The following TLL1 variants were observed in gnomAD, a reference collection of about 807,000 sequenced individuals.
TLL1 encodes the protein tolloid-like protein 1.
In TLL1, 49 loss-of-function variants were observed where a neutral mutation model predicts 128.2. That is an observed-to-expected ratio of 0.38 (90% CI 0.30 to 0.48). The LOEUF is 0.48. Ranked by LOEUF, TLL1 falls within the 20% of genes least tolerant of loss-of-function variation. TLL1 has a pLI of 0.96. For synonymous variants in TLL1, 454 were observed against 418.8 expected (o/e 1.08, Z -1.03); for missense variants, 1,123 against 1,242.0 (o/e 0.90, Z 1.44).
intron 16 of TLL1, among the ~76,000 whole-genome samples, chr4:166,072,193 C>T (rs931420268): frequency 1.9e-4 from 29 of 151,852 alleles, no homozygotes; most frequent in Admixed American, 6.6e-4. Flanking sequence ...ATATTCTAGC[C>T]GCCTAACAGA....
chr4:166,039,261 C>T, intron 9 of TLL1, 78 bp from the exon 10 acceptor site: 10 of 963,398 alleles, frequency 1.0e-5, no homozygotes, highest in Non-Finnish European at 1.5e-5. Context: ...GACCAGGGTT[C>T]CTTACCTTTA....
intron 18 of TLL1, among the ~76,000 whole-genome samples, chr4:166,080,938 C>G (rs113546216): frequency 0.063 from 9,638 of 152,120 alleles, 527 homozygotes; most frequent in African/African-American, 0.14. Flanking sequence ...TTGCTTGTTA[C>G]TTGGTGCTTG....
Position 166,091,135 on chromosome 4 carries a change from G to A in TLL1, c.2450G>A (p.Ser817Asn). The A allele has an allele frequency of 6.2e-7, 1 of 1,611,604 alleles. No homozygotes were observed. The highest frequency in any genetic ancestry group is 8.5e-7 in the Non-Finnish European group (1 of 1,179,002). ...TTCTTCTTTTTAAAAAAGGCCTTTA[G>A]TGAATTTGAGATTGAGCAGCATCAA... Reference protein sequence around the residue: ...TPGHRIKLAFSEFEIEQHQEC... With the variant: ...TPGHRIKLAFNEFEIEQHQEC... Residue 817 changes from serine (S) to asparagine (N), a missense_variant, in exon 19 of 21, where the codon AGT (serine) becomes AAT (asparagine). Coordinates refer to ENST00000061240, the MANE Select transcript of TLL1 (RefSeq NM_012464.5).
At chr4:165,951,204 T>C (rs1164573253) in intron 1 of TLL1, among the ~76,000 whole-genome samples, 1 of 152,046 alleles carries the variant, frequency 6.6e-6, no homozygotes, top group Non-Finnish European at 1.5e-5. Context: ...CATAAAGAAA[T>C]GATAACCTGA....
At chr4:165,913,945 G>C (rs921748783) in intron 1 of TLL1, among the ~76,000 whole-genome samples, 4 of 152,066 alleles carry the variant, frequency 2.6e-5, no homozygotes, top group Non-Finnish European at 4.4e-5. Context: ...GAGCTGGAGA[G>C]GTCTAGGTTG....
intron 1 of TLL1, among the ~76,000 whole-genome samples, chr4:165,926,668 C>T (rs1733283597): frequency 1.3e-5 from 2 of 152,052 alleles, no homozygotes; most frequent in South Asian, 4.1e-4. Context: ...GCATTAGTGC[C>T]AGGTATCGTG....
chr4:166,006,565 G>C (rs925016536), intron 6 of TLL1, among the ~76,000 whole-genome samples: 2 of 151,670 alleles, frequency 1.3e-5, no homozygotes, highest in African/African-American at 4.8e-5. Context: ...TTGAAAATCT[G>C]ATCATAGATT....
chr4:166,058,115 GATTTTTATCTATCC>G (rs1740116277), intron 14 of TLL1, among the ~76,000 whole-genome samples: 1 of 151,764 alleles, frequency 6.6e-6, no homozygotes, highest in Non-Finnish European at 1.5e-5. Context: ...TCTAGATCTA[GATTTTTATCTATCC>G]ATCCTACCAT....
intron 16 of TLL1, among the ~76,000 whole-genome samples, chr4:166,068,420 A>G (rs1238399632): frequency 6.6e-6 from 1 of 151,884 alleles, no homozygotes; most frequent in Non-Finnish European, 1.5e-5. Flanking sequence ...ATAATATATA[A>G]TCATATGTCA....
chr4:165,884,844 A>G lies in TLL1; in HGVS notation c.169+10771A>G, dbSNP rs534875570. On this transcript the variant is annotated intron_variant, in intron 1 of 20. Transcript: ENST00000061240. Reference sequence around the variant, plus strand: ...GAGTGAGACTCTGTCTCAAATAATAATGATAATAAAAATAAAATAAAATAA... The same window carrying G: ...GAGTGAGACTCTGTCTCAAATAATAGTGATAATAAAAATAAAATAAAATAA... Among the ~76,000 whole-genome samples the G allele has an allele frequency of 8.3e-4, 127 of 152,208 alleles. 2 individuals are homozygous for G. In the South Asian group the frequency reaches 0.026, roughly 31 times the overall value.
intron 1 of TLL1, among the ~76,000 whole-genome samples, chr4:165,880,237 G>A (rs1477037415): frequency 6.6e-6 from 1 of 152,156 alleles, no homozygotes; most frequent in Non-Finnish European, 1.5e-5. Context: ...CTGGCTAATG[G>A]ACTGCTAGTT....
At position 166,039,374 on chromosome 4, in the gene TLL1, G is replaced by A. The variant is rs200815814; in HGVS notation, c.1194G>A (p.Lys398=). ...ATTTTACAACGATGGATCTATACAA[G>A]AGTAGTTTGTGCTGGTATGACTATA... is the stretch of plus-strand genomic sequence containing the variant. ...VLNFTTMDLY[K]SSLCWYDYIE... is the part of the protein sequence containing the mutation. The change falls in exon 10 of 21, where the codon AAG becomes AAA. Residue 398 remains lysine (K), a synonymous_variant. Transcript: ENST00000061240. The A allele has an allele frequency of 1.8e-5, 29 of 1,613,452 alleles. No homozygotes were observed. In the East Asian group the frequency reaches 6.5e-4, roughly 36 times the overall value.
intron 12 of TLL1, 138 bp downstream of exon 12, chr4:166,043,557 A>G: frequency 7.8e-7 from 1 of 1,287,068 alleles, no homozygotes; most frequent in South Asian, 1.2e-5. Context: ...CGCTCATAAA[A>G]TGCAACATCA....
chr4:165,961,714 A>T (rs1735114543), intron 1 of TLL1, among the ~76,000 whole-genome samples: 1 of 152,130 alleles, frequency 6.6e-6, no homozygotes, highest in African/African-American at 2.4e-5. Context: ...AAATAAGCAG[A>T]GGGGAAAGGA....
intron 19 of TLL1, among the ~76,000 whole-genome samples, chr4:166,093,604 C>T (rs1741881530): frequency 6.6e-6 from 1 of 152,128 alleles, no homozygotes; most frequent in South Asian, 2.1e-4. Flanking sequence ...CTGCAAGAGG[C>T]TTTCCTCTTT....
At chr4:165,962,925 C>T (rs546199167) in intron 1 of TLL1, among the ~76,000 whole-genome samples, 6 of 150,950 alleles carry the variant, frequency 4.0e-5, no homozygotes, top group Non-Finnish European at 7.4e-5. Flanking sequence ...CATGGTGGCA[C>T]GTGCCTGTAA....
intron 14 of TLL1, 151 bp from the exon 15 acceptor site, chr4:166,059,877 T>C (rs767130980): frequency 1.3e-5 from 12 of 889,416 alleles, no homozygotes; most frequent in Non-Finnish European, 1.8e-5. Context: ...GTATCAAGAC[T>C]AAGGAGCAGA....
chr4:166,002,127 T>C (rs920077027), intron 5 of TLL1, among the ~76,000 whole-genome samples: 2 of 152,122 alleles, frequency 1.3e-5, no homozygotes, highest in Non-Finnish European at 2.9e-5. Context: ...CACTGCAGAA[T>C]TGGTGTCTGG....
intron 3 of TLL1, among the ~76,000 whole-genome samples, 195 bp downstream of exon 3, chr4:165,993,079 T>C (rs2111016130): frequency 6.6e-6 from 1 of 152,218 alleles, no homozygotes; most frequent in African/African-American, 2.4e-5. Flanking sequence ...TTTGAAATGT[T>C]CCTTTAATTT....
Sources: gnomAD v4.1 joint callset for allele counts (sites outside exome capture counted in the v4.1 genomes callset) on GRCh38, gnomAD v4.1.1 for gene constraint, MANE v1.5 for transcripts, NCBI Gene and HGNC (gene_info 2026-07-23, HGNC 2026-07-21) for gene names.